CLTC: variants seen among roughly 807,000 people sequenced by gnomAD.
The protein encoded by CLTC is clathrin heavy chain, also known as clathrin heavy chain 1.
In CLTC, 16 loss-of-function variants were observed where a neutral mutation model predicts 195.8. The observed-to-expected ratio is 0.08, with a 90% CI of 0.06 to 0.12. The LOEUF (loss-of-function observed/expected upper bound fraction) is 0.12. Ranked by LOEUF, CLTC falls within the 10% of genes least tolerant of loss-of-function variation. The pLI, the probability that CLTC is intolerant of heterozygous loss-of-function variation, is 1.00. For missense variants in CLTC, 796 were observed against 2,027.0 expected, an observed-to-expected ratio of 0.39 and a Z score of 11.66; for synonymous variants, 667 against 689.4, an observed-to-expected ratio of 0.97 and a Z score of 0.51.
intron 5 of CLTC, among the ~76,000 whole-genome samples, chr17:59,653,191 ATTTTATTTATTTT>A (rs1007666646): frequency 2.7e-5 from 4 of 147,822 alleles, no homozygotes; most frequent in Non-Finnish European, 5.9e-5. Flanking sequence ...TTATTTATTT[ATTTTATTTATTTT>A]TTTTTTTGAG....
intron 2 of CLTC, among the ~76,000 whole-genome samples, chr17:59,645,334 G>A (rs1175973984): frequency 6.6e-6 from 1 of 152,132 alleles, no homozygotes; most frequent in Admixed American, 6.5e-5. Context: ...CTTGAGTGAA[G>A]GGTATTTGAG....
chr17:59,656,701 T>A (rs2032477465), intron 6 of CLTC, among the ~76,000 whole-genome samples: 1 of 140,148 alleles, frequency 7.1e-6, no homozygotes, highest in South Asian at 2.3e-4. Flanking sequence ...TGAGATGGAG[T>A]CTTGCTCTGT....
In CLTC at chr17:59,681,141, G is replaced by A; in HGVS notation, c.3065+84G>A. 2 of 1,522,262 alleles carry A rather than the reference G, an allele frequency of 1.3e-6. No homozygotes were observed. The highest frequency in any genetic ancestry group is 1.8e-6 in the Non-Finnish European group (2 of 1,124,006). 94.3% of individuals were successfully genotyped at this position (1,522,262 alleles called of 1,614,324 possible). Reference sequence around the variant, plus strand: ...CATCAGTTTTGGGAAGGAACAAAAAGATCAGAGAAAGTTGCCTGAATTCTC... The same window carrying A: ...CATCAGTTTTGGGAAGGAACAAAAAAATCAGAGAAAGTTGCCTGAATTCTC... On this transcript the variant is annotated intron_variant, in intron 19 of 31. Coordinates refer to ENST00000269122, the MANE Select transcript of CLTC (RefSeq NM_004859.4). This position sits in a 1 kb window ranked among gnomAD's most constrained non-coding sequence, Gnocchi z 5.0.
chr17:59,690,888 C>G, intron 31 of CLTC, 177 bp downstream of exon 31: 2 of 437,902 alleles, frequency 4.6e-6, no homozygotes, highest in Non-Finnish European at 8.0e-6. Flanking sequence ...TGATATTATT[C>G]ACTAAAATAA....
intron 1 of CLTC, among the ~76,000 whole-genome samples, chr17:59,636,573 C>T (rs1032948968): frequency 6.6e-6 from 1 of 150,926 alleles, no homozygotes; most frequent in African/African-American, 2.4e-5. Context: ...GGTCTTGAAC[C>T]GAACTCCTGG....
At chr17:59,658,916 A>G (rs1377329763) in intron 6 of CLTC, 1 of 152,172 alleles carries the variant, frequency 6.6e-6, no homozygotes, top group East Asian at 1.9e-4. Context: ...TAGAAGTAAA[A>G]TCTTGGAGGT....
chr17:59,641,763 A>G (rs1202783903), intron 1 of CLTC, among the ~76,000 whole-genome samples: 1 of 152,136 alleles, frequency 6.6e-6, no homozygotes, highest in Admixed American at 6.5e-5. Flanking sequence ...TCTTGGTAGC[A>G]TATGTTTAAT....
intron 16 of CLTC, among the ~76,000 whole-genome samples, chr17:59,675,381 T>C (rs1307422483): frequency 6.6e-6 from 1 of 152,172 alleles, no homozygotes; most frequent in Non-Finnish European, 1.5e-5. Flanking sequence ...TGTGAAGTCT[T>C]TTTTTAGCTG....
rs2033123087 is a variant in CLTC, at chr17:59,683,792, AG to A, written c.4323+38del. The A allele has an allele frequency of 6.2e-7, 1 of 1,613,978 alleles. No homozygotes were observed. Among genetic ancestry groups the A allele is most frequent in the African/African-American group, 1.3e-5 (1 of 75,062 alleles). ...AATTTTAAACCAAAGCTTCATAGCA[AG>A]GAATTAGGACATACTTCGATAACTT... On this transcript the variant is annotated intron_variant, in intron 27 of 31. Transcript: ENST00000269122. This position sits in a 1 kb window ranked among gnomAD's most constrained non-coding sequence, Gnocchi z 6.1.
At chr17:59,693,360 CTT>C (rs56119322) in intron 31 of CLTC, among the ~76,000 whole-genome samples, 86,258 of 136,632 alleles carry the variant, frequency 0.63, 30,671 homozygotes, top group East Asian at 0.88. Flanking sequence ...GAGCCAGATT[CTT>C]TTTTTTTTTT....
chr17:59,641,603 CAAAAAAAAAAAA>C (rs34208843), intron 1 of CLTC, among the ~76,000 whole-genome samples: 1 of 48,848 alleles, frequency 2.0e-5, no homozygotes, highest in African/African-American at 9.1e-5. Context: ...GACTCCATCT[CAAAAAAAAAAAA>C]AAAAAAAAAA....
At position 59,666,296 on chromosome 17, in the gene CLTC, A is replaced by C. The variant is rs957915698; in HGVS notation, c.1782+56A>C. Reference sequence around the variant, plus strand: ...TCCAACATTGTTTTAGTAATTGTGCAGCGCCTCTCAGATTGTTATGCAAAG... The same window carrying C: ...TCCAACATTGTTTTAGTAATTGTGCCGCGCCTCTCAGATTGTTATGCAAAG... On this transcript the variant is annotated intron_variant, in intron 11 of 31. Transcript: ENST00000269122. This position sits in a 1 kb window ranked among gnomAD's most constrained non-coding sequence, Gnocchi z 4.9. 4 of 1,591,276 alleles carry C rather than the reference A, an allele frequency of 2.5e-6. No homozygotes were observed. The highest frequency in any genetic ancestry group is 2.2e-5 in the South Asian group (2 of 89,916).
At chr17:59,677,273 T>A in intron 17 of CLTC, 85 bp downstream of exon 17, 1 of 982,550 alleles carries the variant, frequency 1.0e-6, no homozygotes, top group Non-Finnish European at 1.6e-6. Context: ...TTAGGTAATA[T>A]GGGACATTTG....
intron 1 of CLTC, among the ~76,000 whole-genome samples, chr17:59,623,774 A>G (rs971613302): frequency 2.0e-5 from 3 of 152,174 alleles, no homozygotes; most frequent in Non-Finnish European, 2.9e-5. Context: ...AACTTTCTTC[A>G]ATGATGGAAC....
At chr17:59,630,198 G>A (rs1191864787) in intron 1 of CLTC, among the ~76,000 whole-genome samples, 1 of 151,776 alleles carries the variant, frequency 6.6e-6, no homozygotes, top group East Asian at 2.0e-4. Flanking sequence ...AATGGGCTTT[G>A]GCCATGTTGC....
At chr17:59,644,930 AATAG>A (rs1380641996) in intron 2 of CLTC, among the ~76,000 whole-genome samples, 5 of 152,246 alleles carry the variant, frequency 3.3e-5, no homozygotes, top group Non-Finnish European at 7.3e-5. Flanking sequence ...GGTTAAAGAA[AATAG>A]ATCTGCTAAT....
intron 9 of CLTC, among the ~76,000 whole-genome samples, chr17:59,664,429 T>G (rs1310843989): frequency 6.6e-6 from 1 of 151,770 alleles, no homozygotes; most frequent in East Asian, 1.9e-4. Context: ...GGTGTGTCTG[T>G]GGTCTTAGCT....
chr17:59,664,934 T>G (rs373404384), intron 10 of CLTC, 25 bp downstream of exon 10: 3 of 1,611,918 alleles, frequency 1.9e-6, no homozygotes, highest in Non-Finnish European at 2.5e-6. Flanking sequence ...ATATATTTTG[T>G]AGAAGCTGAT....
chr17:59,626,131 G>A (rs2031543802), intron 1 of CLTC, among the ~76,000 whole-genome samples: 1 of 152,170 alleles, frequency 6.6e-6, no homozygotes, highest in Non-Finnish European at 1.5e-5. Flanking sequence ...GAGGAACTGT[G>A]TTAGACTCTA....
Sources: allele counts gnomAD v4.1 joint callset (sites outside exome capture counted in the v4.1 genomes callset), GRCh38; gene constraint gnomAD v4.1.1; non-coding constraint Gnocchi (gnomAD v3.1); transcripts MANE v1.5; gene names NCBI Gene and HGNC (gene_info 2026-07-23, HGNC 2026-07-21).